MFSD6: variants seen among roughly 807,000 people sequenced by gnomAD.
MFSD6 encodes the protein major facilitator superfamily domain-containing protein 6.
Under a neutral mutation model 56.3 loss-of-function variants are expected in MFSD6, and 26 were observed. The ratio of observed to expected loss-of-function variants is 0.46; its 90% confidence interval spans 0.34 to 0.64. The LOEUF is 0.64. MFSD6 is among the 30% of genes least tolerant of loss of function. MFSD6 has a pLI of 0.01. For missense variants in MFSD6, 750 were observed against 986.2 expected (o/e 0.76, Z 3.21); for synonymous variants, 331 against 366.9 (o/e 0.90, Z 1.12).
intron 1 of MFSD6, chr2:190,411,161 GTTT>G (rs374442207): frequency 8.1e-5 from 62 of 768,180 alleles, no homozygotes; most frequent in African/African-American, 1.1e-4. Context: ...GTTGACAGTA[GTTT>G]TTTTTTTTTT....
At chr2:190,446,158 TGTG>T (rs1559116225) in intron 3 of MFSD6, among the ~76,000 whole-genome samples, 1 of 152,318 alleles carries the variant, frequency 6.6e-6, no homozygotes, top group East Asian at 1.9e-4. Context: ...TCCCCTGTCT[TGTG>T]GTGAGGTTTA....
At position 190,463,387 on chromosome 2, in the gene MFSD6, C is replaced by T. The variant is rs1687429291; in HGVS notation, c.1533-6371C>T. Among the ~76,000 whole-genome samples, 1 of 152,110 alleles carries T rather than the reference C, an allele frequency of 6.6e-6. No homozygotes were observed. The highest frequency in any genetic ancestry group is 1.5e-5 in the Non-Finnish European group (1 of 68,036). On this transcript the variant is annotated intron_variant, in intron 3 of 7. Coordinates refer to ENST00000392328, the MANE Select transcript of MFSD6 (RefSeq NM_017694.4). The surrounding 1 kb of genome is among the most constrained non-coding windows in gnomAD (Gnocchi z 4.4). ...AGCTTCATTCCTGGGGAGGAGGGCA[C>T]ATCAAGTGCTTGTGCTGAGCACAGG...
At position 190,469,739 on chromosome 2, in the gene MFSD6, A is replaced by ATTTTTTG. The variant is rs2125144420; in HGVS notation, c.1533-13_1533-12insGTTTTTT. 1 of 1,383,376 alleles carries ATTTTTTG rather than the reference A, an allele frequency of 7.2e-7. No homozygotes were observed. Among genetic ancestry groups the ATTTTTTG allele is most frequent in the Non-Finnish European group, 9.5e-7 (1 of 1,047,170 alleles). 85.7% of individuals were successfully genotyped at this position (1,383,376 alleles called of 1,614,324 possible). On this transcript the variant is annotated intron_variant, in intron 3 of 7. Coordinates refer to ENST00000392328, the MANE Select transcript of MFSD6 (RefSeq NM_017694.4). This position sits in a 1 kb window ranked among gnomAD's most constrained non-coding sequence, Gnocchi z 5.3. ...CTTTGCTTTTTTTTATTTTATTTTT[A>ATTTTTTG]TTTTTTATTTTTTTTTAGGGTTCTG...
chr2:190,440,261 C>T (rs1470244831), intron 3 of MFSD6, among the ~76,000 whole-genome samples: 1 of 152,188 alleles, frequency 6.6e-6, no homozygotes, highest in African/African-American at 2.4e-5. Flanking sequence ...AGTATTTTAA[C>T]AGTTTCACAA....
Position 190,488,559 on chromosome 2 carries a change from C to A in MFSD6, c.1631-98C>A. On this transcript the variant is annotated intron_variant, in intron 4 of 7. Coordinates refer to ENST00000392328, the MANE Select transcript of MFSD6 (RefSeq NM_017694.4). This position sits in a 1 kb window ranked among gnomAD's most constrained non-coding sequence, Gnocchi z 6.4. The stretch of plus-strand genomic sequence containing the variant: ...TAATGTATGTTTTCCCACAACAAAT[C>A]TTAAAAATAGGTGCCTAGTTAAATA... The A allele has an allele frequency of 8.8e-7, 1 of 1,134,474 alleles. No individual in the cohort carries two copies. The allele number at this position is 1,134,474 out of a possible 1,614,324, so 70.3% of individuals were successfully genotyped here.
At chr2:190,452,459 T>TTGTTA (rs1686812808) in intron 3 of MFSD6, among the ~76,000 whole-genome samples, 1 of 152,202 alleles carries the variant, frequency 6.6e-6, no homozygotes, top group Non-Finnish European at 1.5e-5. Flanking sequence ...GAGTTAGGCA[T>TTGTTA]TGTTATGTCC....
chr2:190,465,289 C>G lies in MFSD6; in HGVS notation c.1533-4469C>G, dbSNP rs896121475. ...TTATAGATAACTTCAGTTTACCAAC[C>G]ACCTGTTCTAAAATTGCCTTTGTTT... On this transcript the variant is annotated intron_variant, in intron 3 of 7. Transcript: ENST00000392328. The surrounding 1 kb of genome is among the most constrained non-coding windows in gnomAD (Gnocchi z 4.6). 1.3e-5 allele frequency among the ~76,000 whole-genome samples: 2 copies of G among 152,130 alleles called. No homozygotes were observed. Among genetic ancestry groups the G allele is most frequent in the African/African-American group, 4.8e-5 (2 of 41,408 alleles).
Position 190,434,170 on chromosome 2 carries a change from G to C in MFSD6, c.-53-1807G>C, listed in dbSNP as rs1686095896. Among the ~76,000 whole-genome samples, 1 of 132,640 alleles carries C rather than the reference G, an allele frequency of 7.5e-6. No homozygotes were observed. The highest frequency in any genetic ancestry group is 1.6e-5 in the Non-Finnish European group (1 of 63,822). 87.0% of individuals were successfully genotyped at this position (132,640 alleles called of 152,430 possible). A position where few individuals can be genotyped will look rare whatever the true frequency, so the allele number is the denominator to read the frequency against. On this transcript the variant is annotated intron_variant, in intron 2 of 7. Coordinates refer to ENST00000392328, the MANE Select transcript of MFSD6 (RefSeq NM_017694.4). The surrounding 1 kb of genome is among the most constrained non-coding windows in gnomAD (Gnocchi z 4.3). ...CACTCCAGCCTGGGTGACAGAGTAA[G>C]ACCCTGTCTCTCAAAAAAAAAAAAA...
chr2:190,420,566 A>C (rs1685572501), intron 2 of MFSD6, among the ~76,000 whole-genome samples: 1 of 152,162 alleles, frequency 6.6e-6, no homozygotes, highest in South Asian at 2.1e-4. Context: ...TCACTTTATA[A>C]ACAGATTGTC....
Position 190,457,420 on chromosome 2 carries a change from C to G in MFSD6, c.1533-12338C>G, listed in dbSNP as rs993235752. 6.6e-6 allele frequency among the ~76,000 whole-genome samples: 1 copy of G among 152,196 alleles called. No individual in the cohort carries two copies. Among genetic ancestry groups the G allele is most frequent in the Non-Finnish European group, 1.5e-5 (1 of 68,032 alleles). On this transcript the variant is annotated intron_variant, in intron 3 of 7. Transcript: ENST00000392328. The surrounding 1 kb of genome is among the most constrained non-coding windows in gnomAD (Gnocchi z 5.1). ...ACTTCTTCCTGTTGGCCCCCTACCCCCAGGACTCAGACTTTGCGTGTTTTT... is the reference window on the plus strand; with the variant it reads ...ACTTCTTCCTGTTGGCCCCCTACCCGCAGGACTCAGACTTTGCGTGTTTTT...
chr2:190,470,332 G>A (rs985721084), intron 4 of MFSD6, among the ~76,000 whole-genome samples: 20 of 152,010 alleles, frequency 1.3e-4, no homozygotes, highest in Admixed American at 1.2e-3. Context: ...GTTTTTCCAT[G>A]AACTTTAAAA....
rs1451185390 is a variant in MFSD6, at chr2:190,495,523, A to G, written c.1892-1916A>G. ...CCTAAATTTCATATGGAGCCAAAAAAGAGCCTGCATAGCCAAAGTGAGACT... is the reference window on the plus strand; with the variant it reads ...CCTAAATTTCATATGGAGCCAAAAAGGAGCCTGCATAGCCAAAGTGAGACT... On this transcript the variant is annotated intron_variant, in intron 6 of 7. Coordinates refer to ENST00000392328, the MANE Select transcript of MFSD6 (RefSeq NM_017694.4). This position sits in a 1 kb window ranked among gnomAD's most constrained non-coding sequence, Gnocchi z 4.7. 6.6e-6 allele frequency among the ~76,000 whole-genome samples: 1 copy of G among 152,212 alleles called. No individual in the cohort carries two copies. The highest frequency in any genetic ancestry group is 1.5e-5 in the Non-Finnish European group (1 of 68,030).
At position 190,461,845 on chromosome 2, in the gene MFSD6, ATTT is replaced by A. The variant is rs966914918; in HGVS notation, c.1533-7905_1533-7903del. ...CAATCTATGATTTCTACCAGTTTTA[ATTT>A]TTTTTTTAGTGTGGAACATGAACCT... On this transcript the variant is annotated intron_variant, in intron 3 of 7. Transcript: ENST00000392328. This position sits in a 1 kb window ranked among gnomAD's most constrained non-coding sequence, Gnocchi z 5.5. Among the ~76,000 whole-genome samples the A allele has an allele frequency of 2.7e-5, 4 of 149,882 alleles. No homozygotes were observed. Among genetic ancestry groups the A allele is most frequent in the African/African-American group, 9.8e-5 (4 of 40,926 alleles).
At chr2:190,420,036 GTCT>G (rs1452848934) in intron 2 of MFSD6, among the ~76,000 whole-genome samples, 4 of 143,616 alleles carry the variant, frequency 2.8e-5, no homozygotes, top group Non-Finnish European at 3.0e-5. Flanking sequence ...AATTTGAAAT[GTCT>G]TCTTAACTCT....
chr2:190,449,900 A>G (rs527542281), intron 3 of MFSD6, among the ~76,000 whole-genome samples: 38 of 152,264 alleles, frequency 2.5e-4, no homozygotes, highest in South Asian at 1.7e-3. Context: ...GCTTTAGGAG[A>G]TATACCTAAT....
rs980456680 is a variant in MFSD6 at position 190,487,806 on chromosome 2, G to A, written c.1631-851G>A. Among the ~76,000 whole-genome samples the A allele has an allele frequency of 6.6e-6, 1 of 152,334 alleles. No individual in the cohort carries two copies. Among genetic ancestry groups the A allele is most frequent in the East Asian group, 1.9e-4 (1 of 5,186 alleles). ...ACAGTTCAGGTGGGAATGTAAAATG[G>A]TACAGCTACTTTGGAAAAAAGGTAG... On this transcript the variant is annotated intron_variant, in intron 4 of 7. Transcript: ENST00000392328. This position sits in a 1 kb window ranked among gnomAD's most constrained non-coding sequence, Gnocchi z 5.5.
In MFSD6 at chr2:190,459,968, T is replaced by C. The variant is rs771397754; in HGVS notation, c.1533-9790T>C. On this transcript the variant is annotated intron_variant, in intron 3 of 7. Transcript: ENST00000392328. This position sits in a 1 kb window ranked among gnomAD's most constrained non-coding sequence, Gnocchi z 5.3. Reference sequence around the variant, plus strand: ...ACAAGGATGGGTCAGTGGCCAGTCATACCTGCTGGCTGATAGAAGCTTGGT... The same window carrying C: ...ACAAGGATGGGTCAGTGGCCAGTCACACCTGCTGGCTGATAGAAGCTTGGT... Among the ~76,000 whole-genome samples, 3 of 152,258 alleles carry C rather than the reference T, an allele frequency of 2.0e-5. No homozygotes were observed. Among genetic ancestry groups the C allele is most frequent in the Non-Finnish European group, 4.4e-5 (3 of 68,032 alleles).
intron 3 of MFSD6, among the ~76,000 whole-genome samples, chr2:190,468,912 A>C (rs1159518751): frequency 6.6e-6 from 1 of 152,202 alleles, no homozygotes; most frequent in Non-Finnish European, 1.5e-5. Flanking sequence ...ACAAGGGAGA[A>C]AGATAAATCC....
At chr2:190,482,903 T>TTTTTTTTTTTTG (rs544591315) in intron 4 of MFSD6, among the ~76,000 whole-genome samples, 1,418 of 86,174 alleles carry the variant, frequency 0.016, 532 homozygotes, top group Non-Finnish European at 0.022. Context: ...TTTTTTTTTT[T>TTTTTTTTTTTTG]AGACGGAGTC....
Sources: allele counts gnomAD v4.1 joint callset (sites outside exome capture counted in the v4.1 genomes callset), GRCh38; gene constraint gnomAD v4.1.1; non-coding constraint Gnocchi (gnomAD v3.1); transcripts MANE v1.5; gene names NCBI Gene and HGNC (gene_info 2026-07-23, HGNC 2026-07-21).